TAFA2: variants seen among roughly 807,000 people sequenced by gnomAD.
TAFA2 encodes TAFA chemokine like family member 2, also known as chemokine-like protein TAFA-2.
TAFA2 carries 7 observed loss-of-function variants against 18.8 expected under a neutral mutation model. The observed-to-expected ratio is 0.37, with a 90% CI of 0.21 to 0.70. TAFA2 has a LOEUF of 0.70. TAFA2 is among the 30% of genes least tolerant of loss of function. The pLI is 0.53. For missense variants in TAFA2, 122 were observed against 158.1 expected (o/e 0.77, Z 1.23); for synonymous variants, 60 against 54.2 (o/e 1.11, Z -0.47).
At chr12:62,017,229 TAA>T (rs35758094) in intron 1 of TAFA2, among the ~76,000 whole-genome samples, 1 of 150,364 alleles carries the variant, frequency 6.7e-6, no homozygotes, top group Non-Finnish European at 1.5e-5. Flanking sequence ...AGTTAATGCG[TAA>T]AAAAAAAATA....
At chr12:61,746,318 T>C (rs557552443) in intron 4 of TAFA2, among the ~76,000 whole-genome samples, 1 of 152,226 alleles carries the variant, frequency 6.6e-6, no homozygotes, top group South Asian at 2.1e-4. Context: ...TCCTGAGGCC[T>C]CCCCAGCAAT....
At chr12:61,849,874 A>C (rs1334669337) in intron 2 of TAFA2, among the ~76,000 whole-genome samples, 1 of 152,206 alleles carries the variant, frequency 6.6e-6, no homozygotes, top group Non-Finnish European at 1.5e-5. Context: ...TTTAACACAT[A>C]GATTGTTGAT....
At chr12:62,210,084 G>A (rs994086438) in intron 1 of TAFA2, among the ~76,000 whole-genome samples, 4 of 151,926 alleles carry the variant, frequency 2.6e-5, no homozygotes, top group Non-Finnish European at 5.9e-5. Flanking sequence ...CCTGTGGGAG[G>A]CTAAGGCAGA....
chr12:62,212,279 A>G (rs1051786006), intron 1 of TAFA2, among the ~76,000 whole-genome samples: 1 of 152,226 alleles, frequency 6.6e-6, no homozygotes, highest in Non-Finnish European at 1.5e-5. Flanking sequence ...CCTTCCTGTC[A>G]TTTTAATGAT....
chr12:62,095,623 G>A (rs1246119860), intron 1 of TAFA2, among the ~76,000 whole-genome samples: 1 of 152,058 alleles, frequency 6.6e-6, no homozygotes, highest in African/African-American at 2.4e-5. Flanking sequence ...TGGTTAAAAA[G>A]CAAAAGGCCC....
intron 1 of TAFA2, among the ~76,000 whole-genome samples, chr12:62,011,650 C>T (rs961934142): frequency 6.6e-6 from 1 of 151,726 alleles, no homozygotes; most frequent in Non-Finnish European, 1.5e-5. Context: ...AACCAGAGAC[C>T]TATGTTCATG....
At chr12:62,258,357 T>G (rs887575611) in intron 1 of TAFA2, 6 of 152,272 alleles carry the variant, frequency 3.9e-5, no homozygotes, top group African/African-American at 1.4e-4. Flanking sequence ...ATGGTGCAAG[T>G]GAAGAAAATA....
chr12:62,138,131 A>T (rs1245838039), intron 1 of TAFA2, among the ~76,000 whole-genome samples: 2 of 152,054 alleles, frequency 1.3e-5, no homozygotes, highest in Non-Finnish European at 2.9e-5. Flanking sequence ...TTAAAATTGC[A>T]CATCAGCCAG....
chr12:62,011,755 A>AC (rs986252138), intron 1 of TAFA2, among the ~76,000 whole-genome samples: 1 of 92,706 alleles, frequency 1.1e-5, no homozygotes, highest in Non-Finnish European at 2.2e-5. Context: ...AAATACTAAA[A>AC]AAAAAAAAAA....
Position 61,723,998 on chromosome 12 carries a change from C to T in TAFA2, c.385-13581G>A, listed in dbSNP as rs1870022593. Among the ~76,000 whole-genome samples the T allele has an allele frequency of 3.9e-5, 6 of 152,038 alleles. No homozygotes were observed. The South Asian group carries it at 1.2e-3, about 32-fold the overall frequency. ...GTGCAAATGAAATAGCATCAAATTT[C>T]CTGTAATAGAACACAGTAAACAAAT... On this transcript the variant is annotated intron_variant, in intron 4 of 4. Transcript: ENST00000416284.
At chr12:62,202,909 C>T (rs1211252289) in intron 1 of TAFA2, among the ~76,000 whole-genome samples, 3 of 144,672 alleles carry the variant, frequency 2.1e-5, no homozygotes, top group African/African-American at 5.1e-5. Flanking sequence ...CTCACTGCAA[C>T]CTCCACCCCC....
chr12:61,719,025 C>A (rs1275388290), intron 4 of TAFA2, among the ~76,000 whole-genome samples: 4 of 152,094 alleles, frequency 2.6e-5, no homozygotes, highest in Admixed American at 1.3e-4. Flanking sequence ...TAGGGACAAC[C>A]TTTCCTTGAG....
intron 4 of TAFA2, among the ~76,000 whole-genome samples, chr12:61,721,958 A>ATC (rs1175185616): frequency 5.3e-5 from 8 of 149,842 alleles, no homozygotes; most frequent in Admixed American, 3.3e-4. Flanking sequence ...TCTCTCTCAA[A>ATC]AAAAAAAAAA....
At chr12:62,191,065 G>C (rs2062619437) in intron 1 of TAFA2, among the ~76,000 whole-genome samples, 194 bp downstream of exon 1, 1 of 152,016 alleles carries the variant, frequency 6.6e-6, no homozygotes, top group Non-Finnish European at 1.5e-5. Context: ...GACCGCCCGC[G>C]AGGGAGACGC....
chr12:62,005,026 A>AG (rs1880500107), intron 1 of TAFA2, among the ~76,000 whole-genome samples: 1 of 152,088 alleles, frequency 6.6e-6, no homozygotes, highest in South Asian at 2.1e-4. Context: ...GGATGGGGTG[A>AG]GGGGGGTAAA....
At chr12:61,742,404 A>G (rs140931437) in intron 4 of TAFA2, among the ~76,000 whole-genome samples, 1 of 152,234 alleles carries the variant, frequency 6.6e-6, no homozygotes, top group East Asian at 1.9e-4. Context: ...ATAAAGCCAC[A>G]TAACCTGTCT....
At chr12:61,914,168 C>T (rs1876724805) in intron 1 of TAFA2, among the ~76,000 whole-genome samples, 1 of 152,068 alleles carries the variant, frequency 6.6e-6, no homozygotes, top group African/African-American at 2.4e-5. Context: ...GGATGAAGAT[C>T]CATGGGTAGA....
At chr12:62,233,064 C>CTT (rs1565784732) in intron 1 of TAFA2, among the ~76,000 whole-genome samples, 3 of 78,378 alleles carry the variant, frequency 3.8e-5, no homozygotes, top group African/African-American at 1.7e-4. Flanking sequence ...ATTTCTGCAT[C>CTT]TCTTTTTTTT....
intron 2 of TAFA2, among the ~76,000 whole-genome samples, chr12:61,795,241 A>G (rs904118723): frequency 6.6e-6 from 1 of 152,190 alleles, no homozygotes; most frequent in Non-Finnish European, 1.5e-5. Flanking sequence ...TATATACCCA[A>G]AGGATTATAA....
Sources: allele counts gnomAD v4.1 joint callset (sites outside exome capture counted in the v4.1 genomes callset), GRCh38; gene constraint gnomAD v4.1.1; transcripts MANE v1.5; gene names NCBI Gene and HGNC (gene_info 2026-07-23, HGNC 2026-07-21).